The following GNE variants were observed in gnomAD, a reference collection of about 807,000 sequenced individuals.
The protein encoded by GNE is bifunctional UDP-N-acetylglucosamine 2-epimerase/N-acetylmannosamine kinase.
Under a neutral mutation model 61.8 loss-of-function variants are expected in GNE, and 41 were observed. That is an observed-to-expected ratio of 0.66 (90% CI 0.52 to 0.86). The LOEUF is 0.86. Among genes scored for constraint, GNE ranks in the 40% least tolerant of loss-of-function variants. GNE has a pLI of 0.00. For synonymous variants in GNE, 264 were observed against 326.4 expected (o/e 0.81, Z 2.06); for missense variants, 608 against 909.1 (o/e 0.67, Z 4.26).
intron 5 of GNE, among the ~76,000 whole-genome samples, chr9:36,233,222 T>C (rs1454465258): frequency 1.3e-5 from 2 of 152,218 alleles, no homozygotes; most frequent in East Asian, 3.8e-4. Flanking sequence ...CTACTTATAC[T>C]TAAGGGGCAC....
intron 9 of GNE, 83 bp from the exon 10 acceptor site, chr9:36,220,103 G>T: frequency 8.6e-7 from 1 of 1,163,614 alleles, no homozygotes; most frequent in South Asian, 1.2e-5. Flanking sequence ...CTATTTAGCA[G>T]AGCTTTGGCA....
At chr9:36,257,329 G>C (rs1434750617) in intron 1 of GNE, among the ~76,000 whole-genome samples, 2 of 152,134 alleles carry the variant, frequency 1.3e-5, no homozygotes, top group Non-Finnish European at 2.9e-5. Context: ...GAAGGAAAGA[G>C]CTATATAAAG....
At chr9:36,249,028 A>G (rs1041840713) in intron 2 of GNE, among the ~76,000 whole-genome samples, 164 bp downstream of exon 2, 5 of 152,224 alleles carry the variant, frequency 3.3e-5, no homozygotes, top group Non-Finnish European at 4.4e-5. Context: ...ACTACATTAT[A>G]TAATGAGGAA....
chr9:36,217,633 G>T, intron 11 of GNE, 33 bp from the exon 12 acceptor site: 1 of 1,392,926 alleles, frequency 7.2e-7, no homozygotes, highest in Non-Finnish European at 1.0e-6. Context: ...ATGAGTTTCT[G>T]AGAGAAGCCA....
chr9:36,268,800 C>T (rs972320121), intron 1 of GNE, among the ~76,000 whole-genome samples: 1 of 152,062 alleles, frequency 6.6e-6, no homozygotes, highest in African/African-American at 2.4e-5. Flanking sequence ...GCTAAGGAAA[C>T]AGCCAAGGTA....
intron 3 of GNE, among the ~76,000 whole-genome samples, chr9:36,242,034 G>A (rs1047953091): frequency 1.3e-5 from 2 of 152,100 alleles, no homozygotes; most frequent in East Asian, 3.9e-4. Flanking sequence ...TACTCAGGAG[G>A]CTGAGGCAGG....
intron 9 of GNE, 113 bp downstream of exon 9, chr9:36,222,664 C>T: frequency 1.2e-6 from 1 of 823,418 alleles, no homozygotes; most frequent in Non-Finnish European, 2.2e-6. Context: ...CCTTCAGGCT[C>T]TAGTCATGCA....
chr9:36,235,799 T>C (rs1385051729), intron 4 of GNE, among the ~76,000 whole-genome samples: 2 of 152,212 alleles, frequency 1.3e-5, no homozygotes, highest in Non-Finnish European at 2.9e-5. Context: ...AAGTTGGTGA[T>C]ATCTTGACAT....
chr9:36,273,793 C>A (rs995881456), intron 1 of GNE, among the ~76,000 whole-genome samples: 1 of 151,632 alleles, frequency 6.6e-6, no homozygotes, highest in Non-Finnish European at 1.5e-5. Context: ...CACCTGCCAC[C>A]GCACCTGGCT....
chr9:36,257,434 C>A (rs1015401463), intron 1 of GNE, among the ~76,000 whole-genome samples: 1 of 152,024 alleles, frequency 6.6e-6, no homozygotes, highest in African/African-American at 2.4e-5. Context: ...ACCTATACTG[C>A]GAAACTGTAC....
upstream of GNE, among the ~76,000 whole-genome samples, chr9:36,261,287 G>A (rs377722318): frequency 3.9e-5 from 6 of 152,114 alleles, no homozygotes; most frequent in South Asian, 1.0e-3. Flanking sequence ...GGCCAGGCAC[G>A]GTGGCTCACT....
chr9:36,236,888 TC>T lies in GNE; in HGVS notation c.712del (p.Asp238MetfsTer11). ...HSIKMFELTL[D>X]ALISFNKRTL... ...CCGCTTGTTAAATGAGATAAGTGCA[TC>T]CAATGTTAATTCAAACATTTTTATG... On this transcript the variant is annotated frameshift_variant, in exon 4 of 12. Transcript: ENST00000642385. LOFTEE classifies it high-confidence loss of function. 1 of 1,612,600 alleles carries T rather than the reference TC, an allele frequency of 6.2e-7. No homozygotes were observed. The highest frequency in any genetic ancestry group is 8.5e-7 in the Non-Finnish European group (1 of 1,178,596).
chr9:36,269,300 TCCTGCC>T (rs1830928552), intron 1 of GNE, among the ~76,000 whole-genome samples: 2 of 151,856 alleles, frequency 1.3e-5, no homozygotes, highest in Non-Finnish European at 2.9e-5. Context: ...TATGATTAGC[TCCTGCC>T]CCTGCCCCTC....
At position 36,217,287 on chromosome 9, in the gene GNE, G is replaced by T; in HGVS notation, c.*78C>A. ...GTTCAATACCAGATTTGATTGTTAAGAAACGGTCATCCTAAAGACAAGAAC... is the reference window on the plus strand; with the variant it reads ...GTTCAATACCAGATTTGATTGTTAATAAACGGTCATCCTAAAGACAAGAAC... On this transcript the variant is annotated 3_prime_UTR_variant, in exon 12 of 12. Transcript: ENST00000642385. 1.0e-6 allele frequency: 1 copy of T among 963,634 alleles called. No individual in the cohort carries two copies. 59.7% of individuals were successfully genotyped at this position (963,634 alleles called of 1,614,324 possible). A position where few individuals can be genotyped will look rare whatever the true frequency, so the allele number is the denominator to read the frequency against.
intron 1 of GNE, among the ~76,000 whole-genome samples, chr9:36,266,266 A>C (rs1190554240): frequency 6.6e-6 from 1 of 152,224 alleles, no homozygotes; most frequent in Non-Finnish European, 1.5e-5. Flanking sequence ...GACACTGGCC[A>C]GTACCAGTCC....
Position 36,214,676 on chromosome 9 carries a change from G to A in GNE, c.*2689C>T, listed in dbSNP as rs907640201. The A allele has an allele frequency of 3.3e-5, 5 of 152,150 alleles. No homozygotes were observed. The highest frequency in any genetic ancestry group is 3.3e-4 in the Admixed American group (5 of 15,280). 9.4% of individuals were successfully genotyped at this position (152,150 alleles called of 1,614,324 possible). On this transcript the variant is annotated 3_prime_UTR_variant, in exon 12 of 12. Transcript: ENST00000642385. ...TAGCAATGCAATTGTCTGATGTACA[G>A]AGCAGATTTCACCATGAGAGATTAC...
At chr9:36,235,074 C>T (rs1829335560) in intron 4 of GNE, among the ~76,000 whole-genome samples, 1 of 152,182 alleles carries the variant, frequency 6.6e-6, no homozygotes, top group African/African-American at 2.4e-5. Context: ...TTCTGTAATA[C>T]TTACCAGATC....
chr9:36,222,662 C>T, intron 9 of GNE, 115 bp downstream of exon 9: 1 of 819,546 alleles, frequency 1.2e-6, no homozygotes, highest in Non-Finnish European at 2.2e-6. Context: ...CACCTTCAGG[C>T]TCTAGTCATG....
chr9:36,253,837 A>G (rs1480135192), intron 1 of GNE, among the ~76,000 whole-genome samples: 1 of 151,120 alleles, frequency 6.6e-6, no homozygotes, highest in Non-Finnish European at 1.5e-5. Context: ...CACGAGTTGG[A>G]GACCAGCCTG....
Sources: allele counts gnomAD v4.1 joint callset (sites outside exome capture counted in the v4.1 genomes callset), GRCh38; gene constraint gnomAD v4.1.1; transcripts MANE v1.5; gene names NCBI Gene and HGNC (gene_info 2026-07-23, HGNC 2026-07-21).